The following HYCC1 variants were observed in gnomAD, a reference collection of about 807,000 sequenced individuals.
HYCC1 encodes hyccin.
the HYCC1 span, among the ~76,000 whole-genome samples, chr7:22,921,072 C>T: frequency 6.6e-6 from 1 of 152,140 alleles, no homozygotes; most frequent in Admixed American, 6.5e-5. Flanking sequence ...GTACAGCCTG[C>T]AGAACTGTGA....
the HYCC1 span, among the ~76,000 whole-genome samples, chr7:22,962,438 C>A: frequency 6.6e-6 from 1 of 152,072 alleles, no homozygotes; most frequent in Non-Finnish European, 1.5e-5. Context: ...AAAGAGTAAC[C>A]ACTCCTGTGA....
At chr7:22,973,850 TTAGA>T in the HYCC1 span, among the ~76,000 whole-genome samples, 4 of 152,198 alleles carry the variant, frequency 2.6e-5, no homozygotes, top group Admixed American at 2.0e-4. Context: ...TACGTTAGAG[TTAGA>T]TAGGCTAAAA....
At chr7:22,996,597 T>TAAAAAA in the HYCC1 span, among the ~76,000 whole-genome samples, 6,751 of 105,902 alleles carry the variant, frequency 0.064, 380 homozygotes, top group African/African-American at 0.092. Flanking sequence ...GTACAATTGT[T>TAAAAAA]AAAAAAAAAA....
the HYCC1 span, among the ~76,000 whole-genome samples, chr7:23,000,382 ATATC>A: frequency 3.9e-5 from 6 of 152,100 alleles, no homozygotes; most frequent in Non-Finnish European, 8.8e-5. Flanking sequence ...GTACCTATCT[ATATC>A]TATATAGATA....
the HYCC1 span, chr7:22,945,370 A>C: frequency 8.7e-6 from 5 of 577,438 alleles, no homozygotes; most frequent in Admixed American, 3.0e-5. Context: ...AAAAAGACTC[A>C]AACCAAGGGG....
At chr7:22,978,438 G>C in the HYCC1 span, 1 of 1,613,568 alleles carries the variant, frequency 6.2e-7, no homozygotes, top group Non-Finnish European at 8.5e-7. Context: ...GTGACAGACA[G>C]GTTCTAGCAA....
At chr7:23,001,195 C>T in the HYCC1 span, among the ~76,000 whole-genome samples, 3 of 152,108 alleles carry the variant, frequency 2.0e-5, no homozygotes, top group African/African-American at 7.2e-5. Context: ...TGGCACTATG[C>T]TAAGCGATTT....
chr7:22,946,456 AC>A, the HYCC1 span, among the ~76,000 whole-genome samples: 1 of 152,126 alleles, frequency 6.6e-6, no homozygotes, highest in Non-Finnish European at 1.5e-5. Context: ...AAGATAAGAA[AC>A]AATTAGAAAT....
chr7:22,960,180 T>A, the HYCC1 span: 1 of 1,443,680 alleles, frequency 6.9e-7, no homozygotes, highest in South Asian at 1.1e-5. Context: ...AAGTTAGAAG[T>A]TATAGCACCA....
At chr7:22,960,109 G>A in the HYCC1 span, 1 of 777,064 alleles carries the variant, frequency 1.3e-6, no homozygotes, top group Non-Finnish European at 2.2e-6. Context: ...ATTGCTCCTA[G>A]ATAATAAATT....
chr7:22,924,104 A>AG, the HYCC1 span, among the ~76,000 whole-genome samples: 1 of 146,128 alleles, frequency 6.8e-6, no homozygotes, highest in South Asian at 2.3e-4. Flanking sequence ...GCTTGAACCC[A>AG]GGGGGTGAAA....
chr7:22,903,243 C>T, the HYCC1 span, among the ~76,000 whole-genome samples: 1 of 151,948 alleles, frequency 6.6e-6, no homozygotes, highest in Non-Finnish European at 1.5e-5. Flanking sequence ...GAAATGAAAA[C>T]ATGCAAGCAT....
chr7:22,926,625 A>G, the HYCC1 span, among the ~76,000 whole-genome samples: 1 of 152,148 alleles, frequency 6.6e-6, no homozygotes, highest in African/African-American at 2.4e-5. Context: ...TTCAACAAGA[A>G]AAGCTAACTA....
chr7:22,916,192 C>G, the HYCC1 span, among the ~76,000 whole-genome samples: 4 of 152,118 alleles, frequency 2.6e-5, no homozygotes, highest in African/African-American at 9.7e-5. Flanking sequence ...CCTTACAATT[C>G]CCCCATTTTA....
chr7:22,996,375 T>A, the HYCC1 span, among the ~76,000 whole-genome samples: 52 of 151,310 alleles, frequency 3.4e-4, no homozygotes, highest in Non-Finnish European at 4.4e-4. Context: ...GGAAAGAGAA[T>A]AATGGAATTC....
chr7:22,983,124 T>C, the HYCC1 span, among the ~76,000 whole-genome samples: 2 of 151,728 alleles, frequency 1.3e-5, no homozygotes, highest in Admixed American at 6.6e-5. Flanking sequence ...AGCCCAGGAG[T>C]TCGGGACCAG....
At chr7:23,001,164 T>C in the HYCC1 span, among the ~76,000 whole-genome samples, 28 of 152,280 alleles carry the variant, frequency 1.8e-4, no homozygotes, top group African/African-American at 6.3e-4. Context: ...ATGACTAACA[T>C]TCCTCAAGCA....
chr7:22,923,570 C>G, the HYCC1 span, among the ~76,000 whole-genome samples: 1 of 151,700 alleles, frequency 6.6e-6, no homozygotes, highest in Non-Finnish European at 1.5e-5. Context: ...ATTAAAGAAA[C>G]AGGAAATAGA....
At chr7:22,990,627 A>G in the HYCC1 span, among the ~76,000 whole-genome samples, 372 of 152,356 alleles carry the variant, frequency 2.4e-3, 1 homozygote, top group Middle Eastern at 0.017. Context: ...CACCCCTTAT[A>G]TAGCCACTGG....
Sources: gnomAD v4.1 joint callset for allele counts (sites outside exome capture counted in the v4.1 genomes callset) on GRCh38, gnomAD v4.1.1 for gene constraint, MANE v1.5 for transcripts, NCBI Gene and HGNC (gene_info 2026-07-23, HGNC 2026-07-21) for gene names.